Variants in QKI observed in about 807,000 individuals in gnomAD.
The protein encoded by QKI is QKI, KH domain containing RNA binding, also known as KH domain-containing RNA-binding protein QKI.
In QKI, 10 loss-of-function variants were observed where a neutral mutation model predicts 39.0. That is an observed-to-expected ratio of 0.26 (90% CI 0.16 to 0.43). The LOEUF is 0.43. QKI is among the 20% of genes least tolerant of loss of function. The pLI is 1.00. For synonymous variants in QKI, 204 were observed against 155.4 expected (o/e 1.31, Z -2.33); for missense variants, 218 against 428.0 (o/e 0.51, Z 4.33).
intron 2 of QKI, among the ~76,000 whole-genome samples, chr6:163,456,122 C>T (rs1399613165): frequency 6.6e-6 from 1 of 152,162 alleles, no homozygotes; most frequent in Non-Finnish European, 1.5e-5. Flanking sequence ...GTTAGTTGTG[C>T]TCTGATCTCT....
intron 2 of QKI, among the ~76,000 whole-genome samples, chr6:163,457,018 C>T (rs1001706126): frequency 2.4e-4 from 37 of 152,186 alleles, no homozygotes; most frequent in African/African-American, 8.2e-4. Flanking sequence ...TGAGCCTACC[C>T]TAGGTATTAG....
intron 3 of QKI, among the ~76,000 whole-genome samples, chr6:163,512,951 A>T (rs73246610): frequency 0.02 from 2,996 of 152,274 alleles, 96 homozygotes; most frequent in African/African-American, 0.068. Context: ...ATTATATAGT[A>T]GTCCTTCCTT....
chr6:163,415,232 C>T lies in QKI; in HGVS notation c.39C>T (p.Pro13=), dbSNP rs777294016. ...GEMETKEKPK[P]TPDYLMQLMN... is the part of the protein sequence containing the mutation. ...TGGAAACGAAGGAGAAGCCGAAGCCCACCCCAGATTACCTGATGCAGCTGA... is the reference window on the plus strand; with the variant it reads ...TGGAAACGAAGGAGAAGCCGAAGCCTACCCCAGATTACCTGATGCAGCTGA... Residue 13 remains proline, a synonymous_variant, in exon 1 of 8, where the codon CCC becomes CCT. Transcript: ENST00000361752. 3 of 1,597,004 alleles carry T rather than the reference C, an allele frequency of 1.9e-6. No individual in the cohort carries two copies. The highest frequency in any genetic ancestry group is 1.7e-5 in the Admixed American group (1 of 58,812).
chr6:163,447,053 C>T (rs1228114303), intron 1 of QKI, among the ~76,000 whole-genome samples: 4 of 152,088 alleles, frequency 2.6e-5, no homozygotes, highest in Non-Finnish European at 5.9e-5. Flanking sequence ...TGGCTTATTC[C>T]ATTTTATTTC....
intron 3 of QKI, among the ~76,000 whole-genome samples, chr6:163,492,808 G>A (rs1378603470): frequency 6.6e-6 from 1 of 152,092 alleles, no homozygotes; most frequent in Admixed American, 6.6e-5. Context: ...ATGCTTCAGG[G>A]TGTGTAATAT....
chr6:163,564,588 CATA>C, intron 6 of QKI: 1 of 1,603,902 alleles, frequency 6.2e-7, no homozygotes, highest in East Asian at 2.2e-5. Context: ...AAATTAAAAT[CATA>C]ATATAAACGC....
At chr6:163,519,584 C>G (rs1426349216) in intron 3 of QKI, among the ~76,000 whole-genome samples, 1 of 151,328 alleles carries the variant, frequency 6.6e-6, no homozygotes, top group Non-Finnish European at 1.5e-5. Flanking sequence ...TAATATCTAC[C>G]ATTCAGGCTT....
chr6:163,420,682 C>G (rs555817987), intron 1 of QKI, among the ~76,000 whole-genome samples: 2 of 152,112 alleles, frequency 1.3e-5, no homozygotes, highest in African/African-American at 4.8e-5. Context: ...TTAATGATAA[C>G]TTTTAGGGAA....
rs534449287 is a variant in QKI, at chr6:163,460,886, AAAT to A, written c.285+5472_285+5474del. Among the ~76,000 whole-genome samples, 20 of 104,778 alleles carry A rather than the reference AAAT, an allele frequency of 1.9e-4. No homozygotes were observed. The East Asian group carries it at 4.7e-3, about 25-fold the overall frequency. 68.7% of individuals were successfully genotyped at this position (104,778 alleles called of 152,430 possible). The stretch of plus-strand genomic sequence containing the variant: ...GAATATGATCATATTTTGTGAGTGA[AAAT>A]AATAATGCTTTAAAATTACGATCTA... On this transcript the variant is annotated intron_variant, in intron 2 of 7. Coordinates refer to ENST00000361752, the MANE Select transcript of QKI (RefSeq NM_006775.3).
chr6:163,471,389 G>C (rs1374255644), intron 2 of QKI, among the ~76,000 whole-genome samples: 1 of 152,038 alleles, frequency 6.6e-6, no homozygotes, highest in Non-Finnish European at 1.5e-5. Flanking sequence ...ATGCATAAAG[G>C]AATAAAGAGC....
At chr6:163,432,909 A>G (rs981266017) in intron 1 of QKI, among the ~76,000 whole-genome samples, 1 of 152,184 alleles carries the variant, frequency 6.6e-6, no homozygotes, top group South Asian at 2.1e-4. Context: ...AAGACTTTAT[A>G]TTGTTCTTTT....
intron 6 of QKI, chr6:163,566,108 T>C: frequency 6.8e-7 from 1 of 1,464,366 alleles, no homozygotes; most frequent in Non-Finnish European, 9.1e-7. Flanking sequence ...AGATATAAAG[T>C]AAAATTATGT....
Position 163,472,826 on chromosome 6 carries a change from T to G in QKI, c.286-5954T>G, listed in dbSNP as rs75480839. Among the ~76,000 whole-genome samples, 759 of 152,284 alleles carry G rather than the reference T, an allele frequency of 5.0e-3. 9 individuals are homozygous for G. Among genetic ancestry groups the G allele is most frequent in the Non-Finnish European group, 7.7e-3 (527 of 68,016 alleles). On this transcript the variant is annotated intron_variant, in intron 2 of 7. Transcript: ENST00000361752. ...AATGAAACTGCTCCCTATCTGAATT[T>G]GTGGGATACAACTAAAACCAGCTTA...
intron 3 of QKI, among the ~76,000 whole-genome samples, chr6:163,507,407 G>A (rs981231230): frequency 1.3e-5 from 2 of 152,192 alleles, no homozygotes; most frequent in African/African-American, 4.8e-5. Flanking sequence ...TGTAGGATGA[G>A]TGTAAGCAGA....
At chr6:163,561,257 CGTGT>C (rs1257346080) in intron 4 of QKI, among the ~76,000 whole-genome samples, 2 of 152,034 alleles carry the variant, frequency 1.3e-5, no homozygotes, top group Non-Finnish European at 2.9e-5. Flanking sequence ...TGTGCACGCG[CGTGT>C]GTGTATGTGT....
At position 163,539,564 on chromosome 6, in the gene QKI, T is replaced by A. The variant is rs139418926; in HGVS notation, c.546+4439T>A. ...CCTTTCCATTACCCCTAAAGGTGCC[T>A]TCCTAAATAGGCAGCGGCAGAATGT... On this transcript the variant is annotated intron_variant, in intron 4 of 7. Transcript: ENST00000361752. Among the ~76,000 whole-genome samples, 399 of 152,260 alleles carry A rather than the reference T, an allele frequency of 2.6e-3. 2 individuals carry two copies. The highest frequency in any genetic ancestry group is 9.2e-3 in the African/African-American group (384 of 41,540).
intron 3 of QKI, among the ~76,000 whole-genome samples, chr6:163,517,707 A>T (rs1562506272): frequency 1.3e-5 from 2 of 152,198 alleles, no homozygotes; most frequent in South Asian, 4.1e-4. Flanking sequence ...CTGGAAACAT[A>T]CAAGAAATGA....
At position 163,576,164 on chromosome 6, in the gene QKI, G is replaced by A. The variant is rs1296015160; in HGVS notation, c.*5454G>A. ...ATGTGCTACACATCTAATTTTATCT[G>A]TAGTTTAAGTGATCTAAATTGAGAT... On this transcript the variant is annotated 3_prime_UTR_variant, in exon 8 of 8. Coordinates refer to ENST00000361752, the MANE Select transcript of QKI (RefSeq NM_006775.3). 2 of 152,114 alleles carry A rather than the reference G, an allele frequency of 1.3e-5. No homozygotes were observed. The highest frequency in any genetic ancestry group is 2.9e-5 in the Non-Finnish European group (2 of 68,018). The allele number at this position is 152,114 out of a possible 1,614,324, so 9.4% of individuals were successfully genotyped here. A position where few individuals can be genotyped will look rare whatever the true frequency, so the allele number is the denominator to read the frequency against.
intron 6 of QKI, chr6:163,564,273 T>G (rs1235782532): frequency 2.0e-6 from 2 of 1,012,876 alleles, no homozygotes; most frequent in Non-Finnish European, 2.4e-6. Context: ...TGTCTGGCAG[T>G]TTCATCATTT....
Sources: allele counts gnomAD v4.1 joint callset (sites outside exome capture counted in the v4.1 genomes callset), GRCh38; gene constraint gnomAD v4.1.1; transcripts MANE v1.5; gene names NCBI Gene and HGNC (gene_info 2026-07-23, HGNC 2026-07-21).